Variants in SYN2 observed in about 807,000 individuals in gnomAD.
The protein encoded by SYN2 is synapsin-2.
A neutral mutation model predicts 50.9 loss-of-function variants in SYN2; 19 were observed. The observed-to-expected ratio is 0.37, with a 90% CI of 0.26 to 0.55. The LOEUF is 0.55. SYN2 is among the 20% of genes least tolerant of loss of function. SYN2 has a pLI of 0.81. For synonymous variants in SYN2, 255 were observed against 224.9 expected (o/e 1.13, Z -1.20); for missense variants, 587 against 576.4 (o/e 1.02, Z -0.19).
chr3:12,154,250 G>T, intron 5 of SYN2: 1 of 1,594,150 alleles, frequency 6.3e-7, no homozygotes, highest in Non-Finnish European at 8.6e-7. Context: ...TCTAGTAAGT[G>T]AATAAATTCA....
rs1437540664 is a variant in SYN2, at chr3:12,086,663, C to T, written c.378-53988C>T. 2.6e-5 allele frequency among the ~76,000 whole-genome samples: 4 copies of T among 152,154 alleles called. No homozygotes were observed. In the East Asian group the frequency reaches 7.7e-4, roughly 29 times the overall value. ...CAAAAAAGCATTTGACAAAATTCAA[C>T]TTCCTTTCTTGATAAAAACTTTCAA... On this transcript the variant is annotated intron_variant, in intron 1 of 12. Coordinates refer to ENST00000621198, the MANE Select transcript of SYN2 (RefSeq NM_133625.6).
intron 7 of SYN2, among the ~76,000 whole-genome samples, chr3:12,166,980 C>T (rs1022818411): frequency 5.9e-5 from 9 of 152,268 alleles, no homozygotes; most frequent in East Asian, 1.9e-4. Flanking sequence ...AAAGGTCATC[C>T]GGTTGAGAGA....
In SYN2 at chr3:12,183,294, T is replaced by TA. The variant is rs777977086; in HGVS notation, c.1309-17dup. ...GGCTTGGAGTTTTGTTTTTATCTCT[T>TA]ACATTTTTGTCTTCCAGAGCGGAAC... On this transcript the variant is annotated splice_polypyrimidine_tract_variant and intron_variant, in intron 10 of 12. Coordinates refer to ENST00000621198, the MANE Select transcript of SYN2 (RefSeq NM_133625.6). 2 of 1,594,880 alleles carry TA rather than the reference T, an allele frequency of 1.3e-6. No homozygotes were observed. Among genetic ancestry groups the TA allele is most frequent in the South Asian group, 2.3e-5 (2 of 87,084 alleles).
intron 1 of SYN2, among the ~76,000 whole-genome samples, chr3:12,101,968 A>G (rs1696086602): frequency 6.6e-6 from 1 of 152,176 alleles, no homozygotes; most frequent in Non-Finnish European, 1.5e-5. Flanking sequence ...ATAGAATGCT[A>G]CAAGGCAGAG....
chr3:12,025,184 CTT>C (rs897671554), intron 1 of SYN2, among the ~76,000 whole-genome samples: 1 of 152,086 alleles, frequency 6.6e-6, no homozygotes, highest in African/African-American at 2.4e-5. Flanking sequence ...GAGGGGCTCT[CTT>C]CTCTTGACTT....
At position 12,117,383 on chromosome 3, in the gene SYN2, A is replaced by G. The variant is rs1387361467; in HGVS notation, c.378-23268A>G. On this transcript the variant is annotated intron_variant, in intron 1 of 12. Coordinates refer to ENST00000621198, the MANE Select transcript of SYN2 (RefSeq NM_133625.6). ...AACTTTCTTAGGTACTTGGGATTCA[A>G]TGTTGAGATAGACAGATTTAGTCCC... Among the ~76,000 whole-genome samples, 3 of 152,212 alleles carry G rather than the reference A, an allele frequency of 2.0e-5. No homozygotes were observed. In the East Asian group the frequency reaches 5.8e-4, roughly 29 times the overall value.
At chr3:12,153,137 G>T in intron 5 of SYN2, 1 of 303,398 alleles carries the variant, frequency 3.3e-6, no homozygotes, top group Non-Finnish European at 6.5e-6. Context: ...ACTGTACATC[G>T]CAAGGATATA....
intron 1 of SYN2, among the ~76,000 whole-genome samples, chr3:12,017,487 A>G (rs1281071094): frequency 6.6e-6 from 1 of 152,192 alleles, no homozygotes; most frequent in African/African-American, 2.4e-5. Context: ...AATTTGTTCC[A>G]TATTTCTCCT....
At chr3:12,018,805 A>ATATGTATTGTCTGAAACTCTAGT (rs1694072593) in intron 1 of SYN2, among the ~76,000 whole-genome samples, 1 of 152,214 alleles carries the variant, frequency 6.6e-6, no homozygotes, top group Non-Finnish European at 1.5e-5. Context: ...ACAGATTTCA[A>ATATGTATTGTCTGAAACTCTAGT]TATGTATTGT....
chr3:12,184,987 A>G, intron 11 of SYN2: 1 of 985,826 alleles, frequency 1.0e-6, no homozygotes, highest in South Asian at 4.7e-5. Context: ...TGTTGGTGGT[A>G]TGTAACAAGA....
In SYN2 at chr3:12,138,239, G is replaced by A. The variant is rs111415366; in HGVS notation, c.378-2412G>A. 1.1e-4 allele frequency among the ~76,000 whole-genome samples: 17 copies of A among 152,298 alleles called. 1 individual carries two copies. The highest frequency in any genetic ancestry group is 4.1e-4 in the African/African-American group (17 of 41,560). On this transcript the variant is annotated intron_variant, in intron 1 of 12. Transcript: ENST00000621198. ...TTGGCTCCTTTTCTATAAGGTTGTG[G>A]CTCAGCCAAGACAGGTCAGTGACCC...
At chr3:12,147,100 T>C (rs936765871) in intron 4 of SYN2, among the ~76,000 whole-genome samples, 7 of 152,182 alleles carry the variant, frequency 4.6e-5, no homozygotes, top group African/African-American at 1.7e-4. Context: ...ATTTCAGCTG[T>C]CACACGCCCT....
At chr3:12,044,502 A>G (rs1694695136) in intron 1 of SYN2, among the ~76,000 whole-genome samples, 1 of 152,186 alleles carries the variant, frequency 6.6e-6, no homozygotes, top group Admixed American at 6.5e-5. Context: ...CCATTCTTTT[A>G]GAGGAAAGAA....
chr3:12,078,161 GGTT>G (rs979802083), intron 1 of SYN2, among the ~76,000 whole-genome samples: 5 of 151,670 alleles, frequency 3.3e-5, no homozygotes, highest in Non-Finnish European at 7.4e-5. Flanking sequence ...TTTTTAATGG[GGTT>G]GTTATTTTCT....
chr3:12,009,188 C>T (rs1306611032), intron 1 of SYN2, among the ~76,000 whole-genome samples: 1 of 152,190 alleles, frequency 6.6e-6, no homozygotes, highest in Non-Finnish European at 1.5e-5. Context: ...TTAGAATTCT[C>T]AGATATTAGA....
rs115616075 is a variant in SYN2 at position 12,150,696 on chromosome 3, A to T, written c.685-541A>T. 6.9e-3 allele frequency among the ~76,000 whole-genome samples: 1,048 copies of T among 152,302 alleles called. 11 individuals are homozygous for T. The highest frequency in any genetic ancestry group is 0.024 in the African/African-American group (977 of 41,560). Reference sequence around the variant, plus strand: ...CTATCCCACATACCATGACCATTCTAATCTTCCTGAAGAACAGCTTCATTT... The same window carrying T: ...CTATCCCACATACCATGACCATTCTTATCTTCCTGAAGAACAGCTTCATTT... On this transcript the variant is annotated intron_variant, in intron 4 of 12. Coordinates refer to ENST00000621198, the MANE Select transcript of SYN2 (RefSeq NM_133625.6).
intron 1 of SYN2, among the ~76,000 whole-genome samples, chr3:12,012,962 A>G (rs1031918025): frequency 2.6e-5 from 4 of 152,132 alleles, no homozygotes; most frequent in Admixed American, 2.0e-4. Context: ...GCCCTTTTCC[A>G]CTGACACTGG....
At chr3:12,158,628 C>G in intron 5 of SYN2, 2 of 1,583,516 alleles carry the variant, frequency 1.3e-6, no homozygotes, top group Non-Finnish European at 1.7e-6. Context: ...CTCTGGACTC[C>G]TGGTGTACTG....
chr3:12,096,386 G>A (rs988231912), intron 1 of SYN2, among the ~76,000 whole-genome samples: 3 of 152,100 alleles, frequency 2.0e-5, no homozygotes, highest in Non-Finnish European at 2.9e-5. Flanking sequence ...GTCAGGGGGT[G>A]GCTTAGAAGA....
Sources: gnomAD v4.1 joint callset for allele counts (sites outside exome capture counted in the v4.1 genomes callset) on GRCh38, gnomAD v4.1.1 for gene constraint, MANE v1.5 for transcripts, NCBI Gene and HGNC (gene_info 2026-07-23, HGNC 2026-07-21) for gene names.